The following ATAD5 variants were observed in gnomAD, a reference collection of about 807,000 sequenced individuals.
ATAD5 encodes ATPase family AAA domain containing 5.
Under a neutral mutation model 176.9 loss-of-function variants are expected in ATAD5, and 58 were observed. That is an observed-to-expected ratio of 0.33 (90% CI 0.27 to 0.41). The LOEUF (loss-of-function observed/expected upper bound fraction) is 0.41, where lower values mean the gene tolerates loss of function less well. ATAD5 is among the 10% of genes least tolerant of loss of function. The pLI is 1.00. For synonymous variants in ATAD5, 640 were observed against 712.6 expected (o/e 0.90, Z 1.62); for missense variants, 1,789 against 2,094.1 (o/e 0.85, Z 2.84).
Position 30,869,512 on chromosome 17 carries a change from C to A in ATAD5, c.3473C>A (p.Ala1158Asp). The change falls in exon 14 of 23, where the codon GCC becomes GAC. Residue 1158 changes from alanine to aspartate, a missense_variant. Ala to Asp is a moderately radical substitution (Grantham distance 126, BLOSUM62 -2). Transcript: ENST00000321990. Reference protein sequence around the residue: ...ELGFKIFEVNASSQRSGRQIL... With the variant: ...ELGFKIFEVNDSSQRSGRQIL... Reference sequence around the variant, plus strand: ...TTCTTTTAGATATTTGAAGTGAATGCCTCTTCCCAGCGCAGTGGTAGACAA... The same window carrying A: ...TTCTTTTAGATATTTGAAGTGAATGACTCTTCCCAGCGCAGTGGTAGACAA... 6.2e-7 allele frequency: 1 copy of A among 1,613,132 alleles called. No individual in the cohort carries two copies. Among genetic ancestry groups the A allele is most frequent in the Non-Finnish European group, 8.5e-7 (1 of 1,179,844 alleles).
At chr17:30,836,788 G>A (rs1038197566) in intron 2 of ATAD5, among the ~76,000 whole-genome samples, 8 of 151,486 alleles carry the variant, frequency 5.3e-5, no homozygotes, top group East Asian at 2.0e-4. Context: ...GGCCAGTCTC[G>A]AACTCCTGAC....
chr17:30,847,716 C>CTTT (rs1567682169), intron 6 of ATAD5, among the ~76,000 whole-genome samples: 1 of 139,316 alleles, frequency 7.2e-6, no homozygotes, highest in Non-Finnish European at 1.6e-5. Flanking sequence ...CTGCTATGAA[C>CTTT]ATTTTTTTTT....
intron 16 of ATAD5, 144 bp downstream of exon 16, chr17:30,877,693 CTG>C (rs1908751197): frequency 1.2e-6 from 1 of 830,650 alleles, no homozygotes; most frequent in East Asian, 2.8e-5. Context: ...GCAAATTAAA[CTG>C]TCCACTCTAG....
In ATAD5 at chr17:30,843,520, C is replaced by T. The variant is rs149986532; in HGVS notation, c.2242-393C>T. Among the ~76,000 whole-genome samples, 1,516 of 151,820 alleles carry T rather than the reference C, an allele frequency of 1.0e-2. 24 individuals are homozygous for T. The highest frequency in any genetic ancestry group is 0.034 in the African/African-American group (1,399 of 41,392). On this transcript the variant is annotated intron_variant, in intron 4 of 22. Coordinates refer to ENST00000321990, the MANE Select transcript of ATAD5 (RefSeq NM_024857.5). Reference sequence around the variant, plus strand: ...CAAAAATTAGCTGGGCGTGGTGGCGCGCACCTCCAATCCCAGCTACTTGGG... The same window carrying T: ...CAAAAATTAGCTGGGCGTGGTGGCGTGCACCTCCAATCCCAGCTACTTGGG...
At position 30,887,357 on chromosome 17, in the gene ATAD5, C is replaced by T; in HGVS notation, c.4243C>T (p.Pro1415Ser). 1 of 1,597,566 alleles carries T rather than the reference C, an allele frequency of 6.3e-7. No individual in the cohort carries two copies. The highest frequency in any genetic ancestry group is 8.5e-7 in the Non-Finnish European group (1 of 1,175,148). ...RSGGGVLEER[P>S]LTLYRGNSRN... is the part of the protein sequence containing the mutation. ...TGGAGGTGGAGTTTTAGAAGAACGA[C>T]CATTAACCCTTTATCGTAAGTTGAT... The change falls in exon 19 of 23, where the codon CCA (proline) becomes TCA (serine). Residue 1415 changes from proline (P) to serine (S), a missense_variant. Around this residue, in one of 6 missense-constraint regions of ATAD5, gnomAD observed 403 missense variants for 495.1 expected, o/e 0.81. Coordinates refer to ENST00000321990, the MANE Select transcript of ATAD5 (RefSeq NM_024857.5).
chr17:30,855,687 C>CTTAA (rs757975060), intron 7 of ATAD5, among the ~76,000 whole-genome samples: 15 of 151,952 alleles, frequency 9.9e-5, no homozygotes, highest in Non-Finnish European at 1.8e-4. Context: ...AGCTAACTAA[C>CTTAA]TTAATTAATT....
At chr17:30,851,288 A>T (rs1597965455) in intron 6 of ATAD5, among the ~76,000 whole-genome samples, 1 of 147,072 alleles carries the variant, frequency 6.8e-6, no homozygotes, top group East Asian at 2.1e-4. Context: ...CGAGGTCAGC[A>T]GATCAAGACC....
chr17:30,872,312 G>A (rs1218252115), intron 14 of ATAD5, among the ~76,000 whole-genome samples: 1 of 152,104 alleles, frequency 6.6e-6, no homozygotes, highest in Non-Finnish European at 1.5e-5. Flanking sequence ...CTTTCTGAGT[G>A]CTTCAATATT....
chr17:30,868,192 C>G, intron 11 of ATAD5, 141 bp from the exon 12 acceptor site: 1 of 562,952 alleles, frequency 1.8e-6, no homozygotes, highest in Non-Finnish European at 2.8e-6. Context: ...GTAAAAATAA[C>G]AAGAAAGCCT....
chr17:30,882,282 G>A (rs572293054), intron 18 of ATAD5, among the ~76,000 whole-genome samples: 78 of 151,806 alleles, frequency 5.1e-4, no homozygotes, highest in African/African-American at 1.7e-3. Context: ...GTCTAAACAG[G>A]CTGGGGGCTG....
At chr17:30,855,112 G>C in intron 6 of ATAD5, 31 bp from the exon 7 acceptor site, 1 of 1,534,446 alleles carries the variant, frequency 6.5e-7, no homozygotes, top group Non-Finnish European at 8.8e-7. Context: ...TATAACCTTA[G>C]CTTTTCTTTT....
rs191231295 is a variant in ATAD5 at position 30,876,594 on chromosome 17, G to T, written c.3784+44G>T. The T allele has an allele frequency of 1.4e-4, 181 of 1,275,268 alleles. 1 individual carries two copies. The African/African-American group carries it at 2.5e-3, about 18-fold the overall frequency. The allele number at this position is 1,275,268 out of a possible 1,614,324, so 79.0% of individuals were successfully genotyped here. A position where few individuals can be genotyped will look rare whatever the true frequency, so the allele number is the denominator to read the frequency against. On this transcript the variant is annotated intron_variant, in intron 15 of 22. Transcript: ENST00000321990. ...AAATTTTATATTTTTTAATAATAAT[G>T]ACCCTTATACCTAAAAATGTGAGCA... is the stretch of plus-strand genomic sequence containing the variant.
chr17:30,839,112 G>A (rs1329017060), intron 3 of ATAD5, among the ~76,000 whole-genome samples: 1 of 152,036 alleles, frequency 6.6e-6, no homozygotes, highest in African/African-American at 2.4e-5. Context: ...TGGTATTCAG[G>A]CATGAGCCAC....
intron 1 of ATAD5, 105 bp from the exon 2 acceptor site, chr17:30,834,043 T>C (rs1905543995): frequency 1.0e-6 from 1 of 998,952 alleles, no homozygotes; most frequent in Non-Finnish European, 1.4e-6. Flanking sequence ...AAAGGAGGCT[T>C]CCTTTTTTTA....
At chr17:30,880,581 C>T (rs1457366973) in intron 18 of ATAD5, among the ~76,000 whole-genome samples, 2 of 145,828 alleles carry the variant, frequency 1.4e-5, no homozygotes, top group Non-Finnish European at 3.0e-5. Flanking sequence ...GCACTCCAGC[C>T]TGGGCAACAA....
intron 18 of ATAD5, 100 bp from the exon 19 acceptor site, chr17:30,887,081 ATAATGTGAATT>A: frequency 1.3e-6 from 1 of 782,810 alleles, no homozygotes; most frequent in South Asian, 2.1e-5. Flanking sequence ...AGCATTTAAG[ATAATGTGAATT>A]TTAGCAAAAT....
chr17:30,882,942 T>C (rs1196287297), intron 18 of ATAD5, among the ~76,000 whole-genome samples: 1 of 152,172 alleles, frequency 6.6e-6, no homozygotes, highest in Non-Finnish European at 1.5e-5. Context: ...GAAAATGCTC[T>C]GTAATTAGAT....
At chr17:30,838,626 T>C (rs2142310847) in intron 3 of ATAD5, among the ~76,000 whole-genome samples, 1 of 152,330 alleles carries the variant, frequency 6.6e-6, no homozygotes, top group Non-Finnish European at 1.5e-5. Flanking sequence ...CAGCTAAAGG[T>C]TGAAAGTCTC....
Position 30,859,138 on chromosome 17 carries a change from G to A in ATAD5, c.2956+815G>A, listed in dbSNP as rs1371747569. 2.0e-5 allele frequency among the ~76,000 whole-genome samples: 3 copies of A among 152,336 alleles called. No homozygotes were observed. In the East Asian group the frequency reaches 5.8e-4, roughly 29 times the overall value. On this transcript the variant is annotated intron_variant, in intron 9 of 22. Transcript: ENST00000321990. ...ACTTGGCAGGGAGAATTGTTCAGCT[G>A]AAGTAAAAGTATCTTGTACAATGCA...
Sources: gnomAD v4.1 joint callset for allele counts (sites outside exome capture counted in the v4.1 genomes callset) on GRCh38, gnomAD v4.1.1 for gene constraint, gnomAD v4.1.1 regional missense constraint, MANE v1.5 for transcripts, NCBI Gene and HGNC (gene_info 2026-07-23, HGNC 2026-07-21) for gene names.